Variants in GRM7 observed in about 807,000 individuals in gnomAD.
GRM7 encodes glutamate metabotropic receptor 7, also known as metabotropic glutamate receptor 7.
A neutral mutation model predicts 84.5 loss-of-function variants in GRM7; 35 were observed. That is an observed-to-expected ratio of 0.41 (90% CI 0.32 to 0.55). The LOEUF is 0.55. Among genes scored for constraint, GRM7 ranks in the 20% least tolerant of loss-of-function variants. GRM7 has a pLI of 0.19. For synonymous variants in GRM7, 487 were observed against 455.1 expected, an observed-to-expected ratio of 1.07 and a Z score of -0.89; for missense variants, 1,003 against 1,194.6, an observed-to-expected ratio of 0.84 and a Z score of 2.36.
chr3:7,084,937 C>T (rs1325439209), intron 1 of GRM7, among the ~76,000 whole-genome samples: 1 of 152,138 alleles, frequency 6.6e-6, no homozygotes, highest in East Asian at 1.9e-4. Flanking sequence ...AATAGAATCT[C>T]TTAAATGACT....
intron 2 of GRM7, among the ~76,000 whole-genome samples, chr3:7,245,684 T>C (rs1012123872): frequency 9.9e-5 from 15 of 152,064 alleles, no homozygotes; most frequent in African/African-American, 3.6e-4. Context: ...AAATGGAATT[T>C]GAAAAACATA....
At chr3:7,645,314 CAAG>C (rs1698572772) in intron 8 of GRM7, among the ~76,000 whole-genome samples, 13 of 151,770 alleles carry the variant, frequency 8.6e-5, no homozygotes, top group Admixed American at 4.6e-4. Flanking sequence ...TTTGGGAGGC[CAAG>C]GCGGGCAGAC....
At chr3:7,262,912 G>T (rs1459057790) in intron 2 of GRM7, among the ~76,000 whole-genome samples, 16 of 141,656 alleles carry the variant, frequency 1.1e-4, no homozygotes, top group Non-Finnish European at 2.3e-4. Context: ...TGGCCAGACT[G>T]GTCTTGAACT....
In GRM7 at chr3:7,356,297, A is replaced by AT. The variant is rs1011380269; in HGVS notation, c.1033+49658dup. ...CAAAAGGTGACATCAGCAGAGGAGG[A>AT]TTTTTTTTTTTTTATTTTTTTTGAG... On this transcript the variant is annotated intron_variant, in intron 4 of 9. Coordinates refer to ENST00000357716, the MANE Select transcript of GRM7 (RefSeq NM_000844.4). Among the ~76,000 whole-genome samples the AT allele has an allele frequency of 7.2e-3, 1,069 of 148,978 alleles. 10 individuals are homozygous for AT. The highest frequency in any genetic ancestry group is 0.021 in the African/African-American group (872 of 40,650).
rs139852482 is a variant in GRM7, at chr3:7,017,035, C to T, written c.520-129417C>T. Among the ~76,000 whole-genome samples the T allele has an allele frequency of 5.3e-3, 800 of 152,336 alleles. 10 individuals carry two copies. The highest frequency in any genetic ancestry group is 0.019 in the African/African-American group (773 of 41,572). On this transcript the variant is annotated intron_variant, in intron 1 of 9. Transcript: ENST00000357716. ...TCTTGAAGCAGAGTCTGCATTTTAA[C>T]ATGAGCCCCAGCTGCTTCAGAGGCA...
chr3:7,549,209 A>G (rs1161249443), intron 7 of GRM7, among the ~76,000 whole-genome samples: 1 of 152,260 alleles, frequency 6.6e-6, no homozygotes, highest in Non-Finnish European at 1.5e-5. Context: ...CATTAAATTA[A>G]AAGCAAAAGC....
At chr3:7,134,298 C>A (rs115973512) in intron 1 of GRM7, among the ~76,000 whole-genome samples, 1 of 151,904 alleles carries the variant, frequency 6.6e-6, no homozygotes, top group African/African-American at 2.4e-5. Context: ...TTTCCATGTT[C>A]CATAAAAAAA....
At chr3:7,536,306 G>T (rs539695644) in intron 7 of GRM7, among the ~76,000 whole-genome samples, 7 of 152,222 alleles carry the variant, frequency 4.6e-5, no homozygotes, top group African/African-American at 1.7e-4. Flanking sequence ...ATTGGTAGCT[G>T]GGACTTCAGT....
At chr3:6,935,929 G>A (rs548897114) in intron 1 of GRM7, among the ~76,000 whole-genome samples, 2 of 152,100 alleles carry the variant, frequency 1.3e-5, no homozygotes, top group African/African-American at 2.4e-5. Flanking sequence ...GGCTGGTCTC[G>A]AATTCCTGAC....
At chr3:7,559,688 A>G (rs545905960) in intron 7 of GRM7, among the ~76,000 whole-genome samples, 9 of 152,258 alleles carry the variant, frequency 5.9e-5, no homozygotes, top group Admixed American at 4.6e-4. Flanking sequence ...TTGATTGTCA[A>G]ATCTGATTTA....
chr3:7,161,224 G>T (rs1043989506), intron 2 of GRM7, among the ~76,000 whole-genome samples: 1 of 151,894 alleles, frequency 6.6e-6, no homozygotes, highest in African/African-American at 2.4e-5. Context: ...GATAGATCCA[G>T]GAGTGACAAC....
At chr3:7,461,013 T>C (rs3804968) in intron 6 of GRM7, among the ~76,000 whole-genome samples, 61,970 of 152,048 alleles carry the variant, frequency 0.41, 14,520 homozygotes, top group Non-Finnish European at 0.55. Flanking sequence ...ACCTGACAAA[T>C]ACACTGCTAA....
chr3:7,106,407 A>G (rs920131025), intron 1 of GRM7, among the ~76,000 whole-genome samples: 2 of 151,438 alleles, frequency 1.3e-5, no homozygotes, highest in Non-Finnish European at 2.9e-5. Flanking sequence ...AGTCCCCCCT[A>G]TATTGTAATC....
chr3:7,344,702 A>G (rs1692809955), intron 4 of GRM7, among the ~76,000 whole-genome samples: 1 of 152,184 alleles, frequency 6.6e-6, no homozygotes, highest in Non-Finnish European at 1.5e-5. Flanking sequence ...GTTCTCACTC[A>G]TATGTGAAAA....
chr3:7,174,129 A>G (rs1449175231), intron 2 of GRM7, among the ~76,000 whole-genome samples: 2 of 152,156 alleles, frequency 1.3e-5, no homozygotes, highest in Non-Finnish European at 2.9e-5. Context: ...GGGTGGGAGT[A>G]TGGATGATGT....
chr3:6,876,008 G>A (rs866084503), intron 1 of GRM7, among the ~76,000 whole-genome samples: 7 of 152,116 alleles, frequency 4.6e-5, no homozygotes, highest in Non-Finnish European at 1.0e-4. Context: ...TGGCTCACGC[G>A]TGTAACCATA....
At chr3:7,121,143 G>A (rs1448304927) in intron 1 of GRM7, among the ~76,000 whole-genome samples, 1 of 152,042 alleles carries the variant, frequency 6.6e-6, no homozygotes, top group Non-Finnish European at 1.5e-5. Context: ...AACTTTCTGT[G>A]ACTGCCAGGA....
chr3:6,954,973 A>ATTATT (rs1692965551), intron 1 of GRM7, among the ~76,000 whole-genome samples: 1 of 152,190 alleles, frequency 6.6e-6, no homozygotes, highest in Non-Finnish European at 1.5e-5. Flanking sequence ...TGGGGTTAAT[A>ATTATT]ATATTCCCCT....
chr3:7,535,302 A>G (rs1559386548), intron 7 of GRM7: 1 of 152,234 alleles, frequency 6.6e-6, no homozygotes, highest in Non-Finnish European at 1.5e-5. Context: ...AAAAGAAAAA[A>G]GAAAAAGAAA....
Sources: allele counts gnomAD v4.1 joint callset (sites outside exome capture counted in the v4.1 genomes callset), GRCh38; gene constraint gnomAD v4.1.1; transcripts MANE v1.5; gene names NCBI Gene and HGNC (gene_info 2026-07-23, HGNC 2026-07-21).